The following CNTLN variants were observed in gnomAD, a reference collection of about 807,000 sequenced individuals.
The protein encoded by CNTLN is centlein, centrosomal protein.
CNTLN carries 212 observed loss-of-function variants against 180.0 expected under a neutral mutation model. The ratio of observed to expected loss-of-function variants is 1.18; its 90% CI spans 1.05 to 1.32. The LOEUF is 1.32. Ranked by LOEUF, CNTLN falls within the 40% of genes most tolerant of loss-of-function variation. CNTLN has a pLI of 0.00. For missense variants in CNTLN, 2,095 were observed against 1,610.9 expected (o/e 1.30, Z -5.14); for synonymous variants, 722 against 563.1 (o/e 1.28, Z -3.99).
At chr9:17,271,188 A>C (rs1023908325) in intron 5 of CNTLN, among the ~76,000 whole-genome samples, 7 of 151,916 alleles carry the variant, frequency 4.6e-5, no homozygotes, top group Non-Finnish European at 1.5e-5. Context: ...TGATCTGCCC[A>C]CCTCAGCCTC....
chr9:17,135,830 A>C (rs1817676950), intron 1 of CNTLN, among the ~76,000 whole-genome samples: 1 of 152,158 alleles, frequency 6.6e-6, no homozygotes, highest in African/African-American at 2.4e-5. Flanking sequence ...GGTTAGAGTA[A>C]AATCCATCGA....
intron 18 of CNTLN, among the ~76,000 whole-genome samples, chr9:17,418,740 A>G (rs1228094205): frequency 6.6e-6 from 1 of 152,042 alleles, no homozygotes; most frequent in African/African-American, 2.4e-5. Flanking sequence ...TTGAACTTAT[A>G]GGTCTTGAAT....
In CNTLN at chr9:17,135,050, G is replaced by C; in HGVS notation, c.-16G>C. On this transcript the variant is annotated 5_prime_UTR_variant, in exon 1 of 26. Transcript: ENST00000380647. ...GAGTTTCCAACAGGGAACTTGACCCGTTAGCAGCCGCAGCCATGGCGGCGC... is the reference window on the plus strand; with the variant it reads ...GAGTTTCCAACAGGGAACTTGACCCCTTAGCAGCCGCAGCCATGGCGGCGC... The C allele has an allele frequency of 6.3e-7, 1 of 1,588,674 alleles. No homozygotes were observed.
At chr9:17,297,286 T>C (rs1271721452) in intron 6 of CNTLN, among the ~76,000 whole-genome samples, 2 of 152,198 alleles carry the variant, frequency 1.3e-5, no homozygotes, top group South Asian at 2.1e-4. Context: ...CAAAACTACA[T>C]CATTTTATAT....
chr9:17,212,014 A>G (rs1170129698), intron 2 of CNTLN, among the ~76,000 whole-genome samples: 1 of 152,104 alleles, frequency 6.6e-6, no homozygotes, highest in Non-Finnish European at 1.5e-5. Context: ...GGACAATTTG[A>G]CTTCCTCTTT....
Position 17,342,446 on chromosome 9 carries a change from T to C in CNTLN, c.1886+2T>C, listed in dbSNP as rs1456822310. The C allele has an allele frequency of 1.9e-6, 3 of 1,594,628 alleles. No homozygotes were observed. The Admixed American group carries it at 5.4e-5, about 29-fold the overall frequency. ...AAACCAGGAGCTAATGATTCAAAAGTGAGTTTCATTTTTAACAATATGGAC... is the reference window on the plus strand; with the variant it reads ...AAACCAGGAGCTAATGATTCAAAAGCGAGTTTCATTTTTAACAATATGGAC... On this transcript the variant is annotated splice_donor_variant, in intron 12 of 25. Transcript: ENST00000380647. LOFTEE classifies it high-confidence loss of function.
At chr9:17,321,335 C>T (rs960458013) in intron 8 of CNTLN, among the ~76,000 whole-genome samples, 4 of 152,132 alleles carry the variant, frequency 2.6e-5, no homozygotes, top group Non-Finnish European at 4.4e-5. Context: ...TCTGCATTAG[C>T]AGATGTTAAA....
chr9:17,322,040 T>C (rs1356904909), intron 8 of CNTLN, among the ~76,000 whole-genome samples: 3 of 152,170 alleles, frequency 2.0e-5, no homozygotes, highest in Non-Finnish European at 2.9e-5. Context: ...AAAGTTGACT[T>C]GATTTATTCT....
At chr9:17,342,964 T>C (rs555064031) in intron 12 of CNTLN, among the ~76,000 whole-genome samples, 1 of 152,158 alleles carries the variant, frequency 6.6e-6, no homozygotes, top group East Asian at 1.9e-4. Context: ...CTGTTAAGGG[T>C]CTGGTGTGGA....
intron 2 of CNTLN, among the ~76,000 whole-genome samples, chr9:17,174,698 G>GA (rs34784210): frequency 0.028 from 3,444 of 124,338 alleles, 89 homozygotes; most frequent in African/African-American, 0.061. Flanking sequence ...TCCGTCTCAG[G>GA]AAAAAAAAAA....
intron 12 of CNTLN, among the ~76,000 whole-genome samples, chr9:17,342,746 C>G (rs1821584437): frequency 6.6e-6 from 1 of 152,166 alleles, no homozygotes; most frequent in Admixed American, 6.5e-5. Flanking sequence ...CGCTGCCGTG[C>G]TTCATTTTTG....
intron 2 of CNTLN, among the ~76,000 whole-genome samples, chr9:17,186,339 T>C (rs1409578891): frequency 6.6e-6 from 1 of 152,146 alleles, no homozygotes; most frequent in Non-Finnish European, 1.5e-5. Flanking sequence ...TGGGTAGTTG[T>C]CATGTTAAAA....
At chr9:17,177,102 T>C (rs994343927) in intron 2 of CNTLN, among the ~76,000 whole-genome samples, 2 of 152,204 alleles carry the variant, frequency 1.3e-5, no homozygotes, top group Non-Finnish European at 2.9e-5. Context: ...TTTGTTGTTA[T>C]CTCTGTCAAT....
chr9:17,446,596 CTT>C (rs1406702825), intron 18 of CNTLN, among the ~76,000 whole-genome samples: 2 of 151,978 alleles, frequency 1.3e-5, no homozygotes, highest in Non-Finnish European at 2.9e-5. Context: ...AATTCTTTAT[CTT>C]ATAAAATTTA....
intron 18 of CNTLN, among the ~76,000 whole-genome samples, chr9:17,456,172 G>A (rs1163791772): frequency 6.6e-6 from 1 of 152,124 alleles, no homozygotes; most frequent in East Asian, 1.9e-4. Context: ...AACAAATAGG[G>A]AGGGAGATGG....
At chr9:17,268,332 C>T (rs572052883) in intron 5 of CNTLN, among the ~76,000 whole-genome samples, 5 of 152,246 alleles carry the variant, frequency 3.3e-5, no homozygotes, top group Non-Finnish European at 5.9e-5. Context: ...GTATCAGCAG[C>T]GGTGGCTTTA....
intron 5 of CNTLN, among the ~76,000 whole-genome samples, chr9:17,271,411 C>A (rs1237538368): frequency 6.6e-6 from 1 of 152,034 alleles, no homozygotes; most frequent in Non-Finnish European, 1.5e-5. Context: ...CCTTCGTTTT[C>A]TTTCTTTCTT....
At chr9:17,463,426 G>C (rs1054912648) in intron 20 of CNTLN, among the ~76,000 whole-genome samples, 2 of 151,562 alleles carry the variant, frequency 1.3e-5, no homozygotes, top group Admixed American at 6.6e-5. Context: ...GGAGGTTATG[G>C]AAGTTTGTAC....
intron 8 of CNTLN, among the ~76,000 whole-genome samples, chr9:17,327,164 C>CT (rs1300135215): frequency 2.0e-5 from 3 of 148,204 alleles, no homozygotes; most frequent in Non-Finnish European, 3.0e-5. Context: ...AAAATAAAGT[C>CT]TATTAATTTT....
Sources: gnomAD v4.1 joint callset for allele counts (sites outside exome capture counted in the v4.1 genomes callset) on GRCh38, gnomAD v4.1.1 for gene constraint, MANE v1.5 for transcripts, NCBI Gene and HGNC (gene_info 2026-07-23, HGNC 2026-07-21) for gene names.